CCDC25: variants seen among roughly 807,000 people sequenced by gnomAD.
CCDC25 encodes coiled-coil domain-containing protein 25.
Under a neutral mutation model 35.3 loss-of-function variants are expected in CCDC25, and 16 were observed. The ratio of observed to expected loss-of-function variants is 0.45; its 90% CI spans 0.31 to 0.69. The LOEUF (loss-of-function observed/expected upper bound fraction) is 0.69, where lower values mean the gene tolerates loss of function less well. Among genes scored for constraint, CCDC25 ranks in the 30% least tolerant of loss-of-function variants. CCDC25 has a pLI of 0.06. For synonymous variants in CCDC25, 79 were observed against 80.3 expected (o/e 0.98, Z 0.09); for missense variants, 179 against 250.7 (o/e 0.71, Z 1.93).
Position 27,752,724 on chromosome 8 carries a change from T to G in CCDC25, c.169-137A>C, listed in dbSNP as rs570969475. ...AGGTTCTTCAACTGTTACAGAACAC[T>G]GAAAAGTAAATTTACTGTGTGCATT... On this transcript the variant is annotated intron_variant, in intron 4 of 8. Coordinates refer to ENST00000356537, the MANE Select transcript of CCDC25 (RefSeq NM_018246.3). 9.3e-6 allele frequency: 5 copies of G among 538,080 alleles called. No homozygotes were observed. The Admixed American group carries it at 1.7e-4, about 18-fold the overall frequency. 33.3% of individuals were successfully genotyped at this position (538,080 alleles called of 1,614,324 possible).
At position 27,761,216 on chromosome 8, in the gene CCDC25, C is replaced by T. The variant is rs968399097; in HGVS notation, c.116+1203G>A. ...AGGGAAATAAGTGAAGGGTCTGTGT[C>T]CACATTTGGAGAAAAGAGGTCCAGA... On this transcript the variant is annotated intron_variant, in intron 3 of 8. Transcript: ENST00000356537. Among the ~76,000 whole-genome samples, 5 of 152,250 alleles carry T rather than the reference C, an allele frequency of 3.3e-5. No homozygotes were observed. The East Asian group carries it at 7.7e-4, about 24-fold the overall frequency.
intron 5 of CCDC25, among the ~76,000 whole-genome samples, chr8:27,751,267 T>A (rs1339566934): frequency 6.6e-6 from 1 of 152,222 alleles, no homozygotes; most frequent in East Asian, 1.9e-4. Flanking sequence ...AAGGAAAGAA[T>A]ATAATGATTG....
At chr8:27,763,278 T>C (rs1207405808) in intron 2 of CCDC25, among the ~76,000 whole-genome samples, 2 of 152,244 alleles carry the variant, frequency 1.3e-5, no homozygotes, top group East Asian at 1.9e-4. Context: ...AGCTAAAGTA[T>C]TCGCTCAAAG....
In CCDC25 at chr8:27,743,572, A is replaced by G. The variant is rs1585344773; in HGVS notation, c.552-3055T>C. Among the ~76,000 whole-genome samples, 4 of 152,346 alleles carry G rather than the reference A, an allele frequency of 2.6e-5. No homozygotes were observed. The South Asian group carries it at 8.3e-4, about 32-fold the overall frequency. ...CAGCACTCCTTCCAACTCTTTAGCT[A>G]TCAGAGTTTTGATCTTGGCTTCAAG... On this transcript the variant is annotated intron_variant, in intron 7 of 8. Transcript: ENST00000356537.
intron 1 of CCDC25, among the ~76,000 whole-genome samples, chr8:27,767,295 G>A (rs1804433628): frequency 1.3e-5 from 2 of 152,174 alleles, no homozygotes; most frequent in African/African-American, 4.8e-5. Context: ...GAACCTGGGA[G>A]GCAGAGGTTG....
intron 2 of CCDC25, among the ~76,000 whole-genome samples, chr8:27,763,735 A>G (rs770104273): frequency 1.4e-4 from 22 of 151,986 alleles, no homozygotes; most frequent in Non-Finnish European, 2.4e-4. Flanking sequence ...TAAATAAATA[A>G]ATAAATTGTG....
intron 4 of CCDC25, among the ~76,000 whole-genome samples, chr8:27,753,840 A>G (rs970376791): frequency 3.3e-5 from 5 of 152,230 alleles, no homozygotes; most frequent in Non-Finnish European, 7.3e-5. Context: ...TTCACCATAT[A>G]GTCCTCAAAA....
chr8:27,746,644 T>C (rs780759108), intron 7 of CCDC25, among the ~76,000 whole-genome samples: 10 of 152,210 alleles, frequency 6.6e-5, no homozygotes, highest in Non-Finnish European at 1.5e-4. Context: ...CTGATGGAGT[T>C]AATACCGTTT....
chr8:27,757,791 T>C (rs1019196437), intron 3 of CCDC25, among the ~76,000 whole-genome samples: 10 of 152,158 alleles, frequency 6.6e-5, no homozygotes, highest in Non-Finnish European at 1.5e-4. Flanking sequence ...CGAATTGTAA[T>C]CCCCAGCGTT....
intron 3 of CCDC25, among the ~76,000 whole-genome samples, chr8:27,760,427 C>T (rs1331258959): frequency 3.3e-5 from 5 of 152,148 alleles, no homozygotes; most frequent in Non-Finnish European, 5.9e-5. Context: ...GTCTGGAGAT[C>T]TTTAAAAACA....
chr8:27,737,727 G>A lies in CCDC25; in HGVS notation c.598-1482C>T, dbSNP rs1019136120. ...TTTGATCCAGCAATCCCACTACTGG[G>A]TATCTACCCAGAGGAAAAGAAGTCA... On this transcript the variant is annotated intron_variant, in intron 8 of 8. Transcript: ENST00000356537. The surrounding 1 kb of genome is among the most constrained non-coding windows in gnomAD (Gnocchi z 4.6). Among the ~76,000 whole-genome samples the A allele has an allele frequency of 6.6e-6, 1 of 152,088 alleles. No homozygotes were observed. Among genetic ancestry groups the A allele is most frequent in the Non-Finnish European group, 1.5e-5 (1 of 68,018 alleles).
chr8:27,735,732 T>C lies in CCDC25; in HGVS notation c.*484A>G, dbSNP rs138856582. ...GAAGCTGACAATCTTCTGAAAAATC[T>C]CTTTTTCAAAACCCATACGCCTAAT... On this transcript the variant is annotated 3_prime_UTR_variant, in exon 9 of 9. Transcript: ENST00000356537. 853 of 154,106 alleles carry C rather than the reference T, an allele frequency of 5.5e-3. 8 individuals are homozygous for C. Among genetic ancestry groups the C allele is most frequent in the Middle Eastern group, 0.014 (4 of 296 alleles). The allele number at this position is 154,106 out of a possible 1,614,324, so 9.5% of individuals were successfully genotyped here.
intron 8 of CCDC25, among the ~76,000 whole-genome samples, chr8:27,739,223 A>AT (rs1272026778): frequency 6.6e-6 from 1 of 152,230 alleles, no homozygotes; most frequent in Admixed American, 6.5e-5. Context: ...CTATTCTGGA[A>AT]TTTTTCAGGA....
At chr8:27,761,577 G>T (rs1804230230) in intron 3 of CCDC25, among the ~76,000 whole-genome samples, 1 of 152,164 alleles carries the variant, frequency 6.6e-6, no homozygotes, top group African/African-American at 2.4e-5. Flanking sequence ...TTTGGTAGGA[G>T]GTATGAGGAG....
At chr8:27,769,039 T>C (rs1377270074) in intron 1 of CCDC25, among the ~76,000 whole-genome samples, 1 of 152,234 alleles carries the variant, frequency 6.6e-6, no homozygotes, top group Non-Finnish European at 1.5e-5. Flanking sequence ...TTCTTCCCAT[T>C]TTAAAAAAGT....
chr8:27,746,143 CTTGA>C (rs1185004289), intron 7 of CCDC25, among the ~76,000 whole-genome samples: 1 of 152,058 alleles, frequency 6.6e-6, no homozygotes, highest in Non-Finnish European at 1.5e-5. Flanking sequence ...CTATAAATTA[CTTGA>C]TTGATTTATA....
In CCDC25 at chr8:27,772,632, C is replaced by T. The variant is rs1231820479; in HGVS notation, c.-92G>A. The T allele has an allele frequency of 3.8e-6, 5 of 1,315,568 alleles. No individual in the cohort carries two copies. The highest frequency in any genetic ancestry group is 1.5e-5 in the African/African-American group (1 of 68,344). The allele number at this position is 1,315,568 out of a possible 1,614,324, so 81.5% of individuals were successfully genotyped here. On this transcript the variant is annotated 5_prime_UTR_variant, in exon 1 of 9. Coordinates refer to ENST00000356537, the MANE Select transcript of CCDC25 (RefSeq NM_018246.3). ...CCAGACTCGCGGCGGCCGCCTGGCC[C>T]CCGGAACTCCTCCGTGCACTTCCGG...
At chr8:27,750,985 T>C (rs1397971859) in intron 5 of CCDC25, among the ~76,000 whole-genome samples, 1 of 152,214 alleles carries the variant, frequency 6.6e-6, no homozygotes, top group African/African-American at 2.4e-5. Context: ...CACATAATCT[T>C]CTACTGACTC....
intron 1 of CCDC25, among the ~76,000 whole-genome samples, chr8:27,771,135 CACTTTTTCTACGTTGAG>C (rs1423089203): frequency 6.6e-6 from 1 of 152,180 alleles, no homozygotes; most frequent in African/African-American, 2.4e-5. Context: ...TGGTGCAACT[CACTTTTTCTACGTTGAG>C]ACCCGTTTAA....
Sources: allele counts gnomAD v4.1 joint callset (sites outside exome capture counted in the v4.1 genomes callset), GRCh38; gene constraint gnomAD v4.1.1; non-coding constraint Gnocchi (gnomAD v3.1); transcripts MANE v1.5; gene names NCBI Gene and HGNC (gene_info 2026-07-23, HGNC 2026-07-21).